Variants in STON1 observed in about 807,000 individuals in gnomAD.
The protein encoded by STON1 is stonin-1.
A neutral mutation model predicts 60.9 loss-of-function variants in STON1; 79 were observed. The observed-to-expected ratio is 1.30, with a 90% CI of 1.08 to 1.56. The LOEUF is 1.56. Ranked by LOEUF, STON1 falls within the 40% of genes most tolerant of loss-of-function variation. The probability of loss-of-function intolerance (pLI) is 0.00; values close to 1 mark genes in which losing one functional copy is unlikely to be tolerated. For synonymous variants in STON1, 363 were observed against 306.9 expected, an observed-to-expected ratio of 1.18 and a Z score of -1.91; for missense variants, 1,166 against 858.9, an observed-to-expected ratio of 1.36 and a Z score of -4.47.
intron 1 of STON1, among the ~76,000 whole-genome samples, chr2:48,566,236 C>G (rs2103852432): frequency 6.6e-6 from 1 of 152,272 alleles, no homozygotes; most frequent in East Asian, 1.9e-4. Flanking sequence ...AGTGCAGTGG[C>G]ACCATCTTGG....
At chr2:48,579,796 G>C (rs1673764954) in intron 1 of STON1, among the ~76,000 whole-genome samples, 1 of 152,144 alleles carries the variant, frequency 6.6e-6, no homozygotes, top group Non-Finnish European at 1.5e-5. Flanking sequence ...TCTGTGTATT[G>C]TTGAAAGTAT....
intron 1 of STON1, among the ~76,000 whole-genome samples, chr2:48,544,266 C>T (rs957523697): frequency 7.9e-5 from 12 of 152,022 alleles, no homozygotes; most frequent in Non-Finnish European, 1.2e-4. Context: ...GAAAATAAAA[C>T]GTAATTGGAA....
In STON1 at chr2:48,564,569, C is replaced by T. The variant is rs13008115; in HGVS notation, c.-47-16018C>T. On this transcript the variant is annotated intron_variant, in intron 1 of 3. Coordinates refer to ENST00000404752, the MANE Select transcript of STON1 (RefSeq NM_006873.4). ...TTCTTCTTCTTCTTCTTCTTCTTCT[C>T]CTTCTCCTTCTCCTCCTCCTCCTCC... 8.8e-3 allele frequency among the ~76,000 whole-genome samples: 320 copies of T among 36,398 alleles called. 16 individuals carry two copies. The highest frequency in any genetic ancestry group is 0.01 in the Non-Finnish European group (189 of 18,036). 23.9% of individuals were successfully genotyped at this position (36,398 alleles called of 152,430 possible).
chr2:48,557,613 A>T lies in STON1; in HGVS notation c.-47-22974A>T, dbSNP rs1343745647. 5.1e-5 allele frequency among the ~76,000 whole-genome samples: 6 copies of T among 116,848 alleles called. 1 individual carries two copies. The highest frequency in any genetic ancestry group is 1.1e-4 in the Non-Finnish European group (6 of 54,574). 76.7% of individuals were successfully genotyped at this position (116,848 alleles called of 152,430 possible). On this transcript the variant is annotated intron_variant, in intron 1 of 3. Coordinates refer to ENST00000404752, the MANE Select transcript of STON1 (RefSeq NM_006873.4). ...GGGAGGTGTAGGTTGTAGTGAGCCGAGATCACGCCACTGCACTCCAGCCTG... is the reference window on the plus strand; with the variant it reads ...GGGAGGTGTAGGTTGTAGTGAGCCGTGATCACGCCACTGCACTCCAGCCTG...
At chr2:48,566,954 A>G (rs1672974027) in intron 1 of STON1, among the ~76,000 whole-genome samples, 1 of 152,188 alleles carries the variant, frequency 6.6e-6, no homozygotes, top group African/African-American at 2.4e-5. Flanking sequence ...ATTTGGTCAA[A>G]GAGAGAATCT....
At chr2:48,573,565 G>A (rs958737664) in intron 1 of STON1, among the ~76,000 whole-genome samples, 2 of 152,096 alleles carry the variant, frequency 1.3e-5, no homozygotes, top group African/African-American at 4.8e-5. Context: ...CCCCACATCA[G>A]TGTTGTGGTC....
rs780407887 is a variant in STON1 at position 48,581,426 on chromosome 2, C to G, written c.793C>G (p.His265Asp). ...AEENASSFVPHTLFRSQPKSG... is the reference protein window; with the variant it reads ...AEENASSFVPDTLFRSQPKSG... ...AGAAAATGCCTCTTCCTTTGTCCCCCACACACTCTTCAGGAGTCAGCCAAA... is the reference window on the plus strand; with the variant it reads ...AGAAAATGCCTCTTCCTTTGTCCCCGACACACTCTTCAGGAGTCAGCCAAA... Residue 265 changes from histidine to aspartate, a missense_variant, in exon 2 of 4, where the codon CAC (histidine) becomes GAC (aspartate). His to Asp is a moderately conservative substitution (Grantham distance 81). Transcript: ENST00000404752. 1 of 1,613,718 alleles carries G rather than the reference C, an allele frequency of 6.2e-7. No homozygotes were observed.
At chr2:48,543,963 G>T (rs985811846) in intron 1 of STON1, among the ~76,000 whole-genome samples, 9 of 152,156 alleles carry the variant, frequency 5.9e-5, no homozygotes, top group African/African-American at 1.9e-4. Context: ...GTAGGTGGGG[G>T]TAGGGAATCA....
chr2:48,581,580 A>AGATACAGCTT lies in STON1; in HGVS notation c.947_948insGATACAGCTT (p.Lys317IlefsTer7), dbSNP rs771990159. 1 of 1,614,230 alleles carries AGATACAGCTT rather than the reference A, an allele frequency of 6.2e-7. No individual in the cohort carries two copies. The highest frequency in any genetic ancestry group is 8.5e-7 in the Non-Finnish European group (1 of 1,180,038). ...CAGATGTATTATGAACAGGGATTAGAAAAACCATTTAAAGAGATACAGCTT... is the reference window on the plus strand; with the variant it reads ...CAGATGTATTATGAACAGGGATTAGAGATACAGCTTAAAACCATTTAAAGAGATACAGCTT... On this transcript the variant is annotated frameshift_variant, in exon 2 of 4. Coordinates refer to ENST00000404752, the MANE Select transcript of STON1 (RefSeq NM_006873.4). LOFTEE classifies it high-confidence loss of function.
At position 48,593,048 on chromosome 2, in the gene STON1, T is replaced by C. The variant is rs528092805; in HGVS notation, c.2133+1193T>C. ...CTTATCCTCAAGTTTAGTAGATATA[T>C]GGATGTCTCCTGCCACATATTTCCC... On this transcript the variant is annotated intron_variant, in intron 3 of 3. Transcript: ENST00000404752. 2.0e-5 allele frequency among the ~76,000 whole-genome samples: 3 copies of C among 152,336 alleles called. No individual in the cohort carries two copies. The South Asian group carries it at 6.2e-4, about 32-fold the overall frequency.
At position 48,580,029 on chromosome 2, in the gene STON1, C is replaced by G. The variant is rs146094759; in HGVS notation, c.-47-558C>G. 6.1e-3 allele frequency among the ~76,000 whole-genome samples: 927 copies of G among 152,268 alleles called. 4 individuals are homozygous for G. Among genetic ancestry groups the G allele is most frequent in the Non-Finnish European group, 9.1e-3 (619 of 68,028 alleles). On this transcript the variant is annotated intron_variant, in intron 1 of 3. Coordinates refer to ENST00000404752, the MANE Select transcript of STON1 (RefSeq NM_006873.4). ...TCAAGAGATTCTCCTGACTCAGCTA[C>G]CTGAGTAGCTGGGATTACAGGTGCC... is the stretch of plus-strand genomic sequence containing the variant.
At chr2:48,557,372 C>G (rs55867503) in intron 1 of STON1, among the ~76,000 whole-genome samples, 3 of 99,986 alleles carry the variant, frequency 3.0e-5, no homozygotes, top group Non-Finnish European at 4.4e-5. Flanking sequence ...ACATCTCAGA[C>G]GATGGGCGGC....
intron 1 of STON1, among the ~76,000 whole-genome samples, chr2:48,545,216 ATTG>A (rs762209013): frequency 6.6e-6 from 1 of 152,120 alleles, no homozygotes; most frequent in Non-Finnish European, 1.5e-5. Context: ...AAGGCAGGAA[ATTG>A]TTGTTTTAGG....
chr2:48,595,024 C>T (rs56955537), intron 3 of STON1, among the ~76,000 whole-genome samples: 76 of 152,084 alleles, frequency 5.0e-4, no homozygotes, highest in African/African-American at 1.7e-3. Flanking sequence ...TTGACCCTGG[C>T]GGGGAGGATT....
chr2:48,541,104 CT>C (rs1408563163), intron 1 of STON1, among the ~76,000 whole-genome samples: 1 of 152,134 alleles, frequency 6.6e-6, no homozygotes, highest in Admixed American at 6.6e-5. Flanking sequence ...AATCCCAGAA[CT>C]TTGGGAGGCT....
At chr2:48,587,903 C>T (rs925202959) in intron 2 of STON1, among the ~76,000 whole-genome samples, 1 of 152,170 alleles carries the variant, frequency 6.6e-6, no homozygotes, top group Non-Finnish European at 1.5e-5. Context: ...GTGGGCCTGG[C>T]TTGGGGCAGG....
At chr2:48,547,703 A>G (rs538496923) in intron 1 of STON1, among the ~76,000 whole-genome samples, 1 of 152,254 alleles carries the variant, frequency 6.6e-6, no homozygotes, top group African/African-American at 2.4e-5. Flanking sequence ...AAGGGTGGTC[A>G]AGTGAAAAGT....
intron 1 of STON1, among the ~76,000 whole-genome samples, chr2:48,567,068 C>T (rs772736245): frequency 6.6e-6 from 1 of 151,892 alleles, no homozygotes; most frequent in African/African-American, 2.4e-5. Context: ...GGTTAAATGC[C>T]GTAGGGGAGG....
chr2:48,538,935 G>C (rs1394744049), intron 1 of STON1, among the ~76,000 whole-genome samples: 1 of 151,892 alleles, frequency 6.6e-6, no homozygotes, highest in Non-Finnish European at 1.5e-5. Context: ...TGATTTTTTA[G>C]AGATGGGATC....
Sources: allele counts gnomAD v4.1 joint callset (sites outside exome capture counted in the v4.1 genomes callset), GRCh38; gene constraint gnomAD v4.1.1; transcripts MANE v1.5; gene names NCBI Gene and HGNC (gene_info 2026-07-23, HGNC 2026-07-21).